The following WWC2 variants were observed in gnomAD, a reference collection of about 807,000 sequenced individuals.
The protein encoded by WWC2 is WW and C2 domain containing 2, also known as protein WWC2.
A neutral mutation model predicts 138.5 loss-of-function variants in WWC2; 101 were observed. That is an observed-to-expected ratio of 0.73 (90% CI 0.62 to 0.86). The LOEUF (loss-of-function observed/expected upper bound fraction) is 0.86, where lower values mean the gene tolerates loss of function less well. Among genes scored for constraint, WWC2 ranks in the 40% least tolerant of loss-of-function variants. The pLI, the probability that WWC2 is intolerant of heterozygous loss-of-function variation, is 0.00. For synonymous variants in WWC2, 558 were observed against 538.4 expected, an observed-to-expected ratio of 1.04 and a Z score of -0.50; for missense variants, 1,420 against 1,419.4, an observed-to-expected ratio of 1.00 and a Z score of -0.01.
In WWC2 at chr4:183,282,918, G is replaced by A. The variant is rs374532045; in HGVS notation, c.2883+12G>A. The A allele has an allele frequency of 8.4e-5, 132 of 1,564,092 alleles. No homozygotes were observed. The highest frequency in any genetic ancestry group is 5.0e-4 in the East Asian group (21 of 42,320). On this transcript the variant is annotated intron_variant, in intron 18 of 22. Transcript: ENST00000403733. Reference sequence around the variant, plus strand: ...GAATACCAACACTGGTGACTATTCCGCTGTGCTGTCTTAAAACTGATACCT... The same window carrying A: ...GAATACCAACACTGGTGACTATTCCACTGTGCTGTCTTAAAACTGATACCT...
chr4:183,281,139 C>A, intron 17 of WWC2: 2 of 492,052 alleles, frequency 4.1e-6, no homozygotes, highest in Non-Finnish European at 6.7e-6. Context: ...AATTTTAAAA[C>A]ACTATTTTCT....
intron 4 of WWC2, among the ~76,000 whole-genome samples, chr4:183,220,242 C>G (rs990817258): frequency 6.6e-6 from 1 of 152,092 alleles, no homozygotes; most frequent in African/African-American, 2.4e-5. Context: ...ACCCTGATTT[C>G]AGCTTTGTGA....
At chr4:183,264,923 C>G (rs1016498000) in intron 11 of WWC2, 55 bp from the exon 12 acceptor site, 16 of 1,539,268 alleles carry the variant, frequency 1.0e-5, no homozygotes, top group Non-Finnish European at 1.3e-5. Context: ...GTATTTAATA[C>G]TTAACTTTTC....
intron 1 of WWC2, among the ~76,000 whole-genome samples, chr4:183,182,714 TA>T (rs1464957573): frequency 6.6e-6 from 1 of 152,228 alleles, no homozygotes; most frequent in East Asian, 1.9e-4. Context: ...AATGTAATAA[TA>T]GCAAAAATAA....
chr4:183,164,338 CATATATATATT>C (rs1734061879), intron 1 of WWC2, among the ~76,000 whole-genome samples: 1 of 570 alleles, frequency 1.8e-3, no homozygotes, highest in African/African-American at 5.3e-3. Context: ...TATATATATA[CATATATATATT>C]ATATATACAT....
At chr4:183,282,612 CTGTT>C (rs1213334075) in intron 17 of WWC2, 92 bp from the exon 18 acceptor site, 5 of 1,226,584 alleles carry the variant, frequency 4.1e-6, no homozygotes, top group East Asian at 2.6e-5. Flanking sequence ...TTGTGTGAGT[CTGTT>C]TATTTCCCAG....
At chr4:183,134,918 C>T (rs1432453693) in intron 1 of WWC2, among the ~76,000 whole-genome samples, 1 of 151,770 alleles carries the variant, frequency 6.6e-6, no homozygotes, top group Non-Finnish European at 1.5e-5. Context: ...AAAATCTAGT[C>T]CGATATGATC....
At chr4:183,270,017 CAT>C (rs777281152) in intron 15 of WWC2, 1 of 152,190 alleles carries the variant, frequency 6.6e-6, no homozygotes, top group South Asian at 2.1e-4. Flanking sequence ...CACAGAAACA[CAT>C]GTTTCATGAT....
chr4:183,287,732 C>T (rs1368301598), intron 20 of WWC2, among the ~76,000 whole-genome samples: 1 of 152,156 alleles, frequency 6.6e-6, no homozygotes, highest in Non-Finnish European at 1.5e-5. Flanking sequence ...AAGAACAAAG[C>T]GCCAAGTGTG....
intron 1 of WWC2, among the ~76,000 whole-genome samples, chr4:183,191,880 A>C (rs1735001672): frequency 6.6e-6 from 1 of 152,060 alleles, no homozygotes; most frequent in Non-Finnish European, 1.5e-5. Context: ...GGCATGAGCC[A>C]CAATGCCTGG....
chr4:183,271,232 T>C lies in WWC2; in HGVS notation c.2553T>C (p.Ser851=), dbSNP rs1737686550. 6 of 1,608,574 alleles carry C rather than the reference T, an allele frequency of 3.7e-6. No individual in the cohort carries two copies. The highest frequency in any genetic ancestry group is 5.1e-6 in the Non-Finnish European group (6 of 1,177,896). The change falls in exon 16 of 23, where the codon TCT becomes TCC. Residue 851 remains serine (S), a synonymous_variant. Coordinates refer to ENST00000403733, the MANE Select transcript of WWC2 (RefSeq NM_024949.6). ...VFQPNQPLVD[S]IDLDAVSALL... Reference sequence around the variant, plus strand: ...AACCAAACCAGCCGTTAGTAGATTCTATAGACTTGGTGAGTCAAAATTAGA... The same window carrying C: ...AACCAAACCAGCCGTTAGTAGATTCCATAGACTTGGTGAGTCAAAATTAGA...
chr4:183,298,737 T>C (rs1316906828), intron 21 of WWC2, among the ~76,000 whole-genome samples: 1 of 152,222 alleles, frequency 6.6e-6, no homozygotes, highest in Non-Finnish European at 1.5e-5. Flanking sequence ...CAGAATCCCT[T>C]CTAGTTACAG....
chr4:183,119,051 C>T (rs1171938802), intron 1 of WWC2, among the ~76,000 whole-genome samples: 1 of 152,014 alleles, frequency 6.6e-6, no homozygotes, highest in African/African-American at 2.4e-5. Context: ...TTACTGACTC[C>T]TAGTGATTGC....
At chr4:183,287,013 C>G (rs754247508) in intron 20 of WWC2, among the ~76,000 whole-genome samples, 2 of 152,122 alleles carry the variant, frequency 1.3e-5, no homozygotes, top group African/African-American at 2.4e-5. Context: ...GGAGCAGGGA[C>G]ACACGGCATG....
intron 6 of WWC2, among the ~76,000 whole-genome samples, chr4:183,246,382 A>G (rs187166750): frequency 3.9e-5 from 6 of 152,336 alleles, no homozygotes; most frequent in Admixed American, 3.9e-4. Flanking sequence ...TTACATTCTC[A>G]ATAGAACATC....
intron 1 of WWC2, among the ~76,000 whole-genome samples, chr4:183,114,915 G>A (rs1326449724): frequency 6.6e-6 from 1 of 152,066 alleles, no homozygotes; most frequent in Admixed American, 6.6e-5. Flanking sequence ...TCTGCCTCCC[G>A]GGTTCAAGCG....
intron 2 of WWC2, among the ~76,000 whole-genome samples, chr4:183,196,840 C>G (rs1735157336): frequency 6.6e-6 from 1 of 152,206 alleles, no homozygotes; most frequent in Non-Finnish European, 1.5e-5. Flanking sequence ...GATACCCACC[C>G]CTCCACCTCA....
At chr4:183,251,749 T>G (rs1454416707) in intron 8 of WWC2, among the ~76,000 whole-genome samples, 2 of 152,212 alleles carry the variant, frequency 1.3e-5, no homozygotes, top group African/African-American at 4.8e-5. Flanking sequence ...GGTTTTGTTT[T>G]AAAGTTACTA....
At chr4:183,109,785 TGTGTGGGACAAAG>T (rs1362481795) in intron 1 of WWC2, among the ~76,000 whole-genome samples, 1 of 152,196 alleles carries the variant, frequency 6.6e-6, no homozygotes, top group Non-Finnish European at 1.5e-5. Context: ...CTCTAGGTAC[TGTGTGGGACAAAG>T]GTGAGTCAGA....
Sources: allele counts gnomAD v4.1 joint callset (sites outside exome capture counted in the v4.1 genomes callset), GRCh38; gene constraint gnomAD v4.1.1; transcripts MANE v1.5; gene names NCBI Gene and HGNC (gene_info 2026-07-23, HGNC 2026-07-21).